The following ABCC1 variants were observed in gnomAD, a reference collection of about 807,000 sequenced individuals.
The protein encoded by ABCC1 is multidrug resistance-associated protein 1.
In ABCC1, 83 loss-of-function variants were observed where a neutral mutation model predicts 172.9. The observed-to-expected ratio is 0.48, with a 90% CI of 0.40 to 0.58. The LOEUF is 0.58. Among genes scored for constraint, ABCC1 ranks in the 20% least tolerant of loss-of-function variants. The pLI, the probability that ABCC1 is intolerant of heterozygous loss-of-function variation, is 0.00. For synonymous variants in ABCC1, 937 were observed against 825.2 expected (o/e 1.14, Z -2.32); for missense variants, 1,817 against 2,002.7 (o/e 0.91, Z 1.77).
At chr16:16,000,799 C>T (rs534798261) in intron 1 of ABCC1, among the ~76,000 whole-genome samples, 109 of 152,174 alleles carry the variant, frequency 7.2e-4, no homozygotes, top group Non-Finnish European at 1.1e-3. Context: ...AGGAAATTGA[C>T]GGTGGACAAG....
At chr16:16,124,066 G>C (rs2045291100) in intron 24 of ABCC1, among the ~76,000 whole-genome samples, 1 of 152,066 alleles carries the variant, frequency 6.6e-6, no homozygotes, top group Non-Finnish European at 1.5e-5. Context: ...ATTTTAAAGG[G>C]TAAAATAGTA....
chr16:16,105,993 CAACCTCCCAAGTAGTT>C (rs1157127392), intron 20 of ABCC1, among the ~76,000 whole-genome samples: 1 of 151,702 alleles, frequency 6.6e-6, no homozygotes, highest in East Asian at 1.9e-4. Context: ...TCTCCTGCCT[CAACCTCCCAAGTAGTT>C]GGGACTGCAG....
At chr16:16,010,037 C>CTTTTTTTATTT (rs2047717698) in intron 3 of ABCC1, 136 bp downstream of exon 3, 1 of 100,498 alleles carries the variant, frequency 1.0e-5, no homozygotes, top group Non-Finnish European at 1.6e-5. Flanking sequence ...TAAATGTAGC[C>CTTTTTTTATTT]TTTTTTTTTT....
intron 18 of ABCC1, among the ~76,000 whole-genome samples, chr16:16,087,260 C>T (rs2051046573): frequency 6.6e-6 from 1 of 152,196 alleles, no homozygotes; most frequent in Non-Finnish European, 1.5e-5. Flanking sequence ...AGTCACAGGG[C>T]TGGCTTCTTA....
intron 22 of ABCC1, 118 bp downstream of exon 22, chr16:16,111,700 C>G (rs966733627): frequency 3.4e-6 from 3 of 878,308 alleles, no homozygotes; most frequent in Admixed American, 5.3e-5. Flanking sequence ...CAAGCCAAAC[C>G]CAGAAAAATG....
intron 27 of ABCC1, among the ~76,000 whole-genome samples, chr16:16,134,124 G>A (rs181459243): frequency 3.2e-4 from 48 of 152,242 alleles, no homozygotes; most frequent in South Asian, 2.9e-3. Context: ...ATAAAAAGCC[G>A]AGTCATTCCT....
rs1047491236 is a variant in ABCC1, at chr16:16,142,810, A to T, written c.*1529A>T. 1 of 152,576 alleles carries T rather than the reference A, an allele frequency of 6.6e-6. No individual in the cohort carries two copies. The highest frequency in any genetic ancestry group is 2.4e-5 in the African/African-American group (1 of 41,442). The allele number at this position is 152,576 out of a possible 1,614,324, so 9.5% of individuals were successfully genotyped here. ...CCTGTTCTTTAAGGTGTCTCGTTAG[A>T]GCCCAAAGTGGAATCCGGAAGGCAG... On this transcript the variant is annotated 3_prime_UTR_variant, in exon 31 of 31. Transcript: ENST00000399410.
chr16:16,135,055 G>A (rs557360652), intron 28 of ABCC1, among the ~76,000 whole-genome samples: 176 of 152,322 alleles, frequency 1.2e-3, no homozygotes, highest in African/African-American at 4.1e-3. Context: ...CTGTCCCCGG[G>A]AGGGGTAGTT....
In ABCC1 at chr16:16,114,823, G is replaced by A. The variant is rs761512468; in HGVS notation, c.3137G>A (p.Arg1046His). 1.9e-6 allele frequency: 3 copies of A among 1,609,810 alleles called. No homozygotes were observed. Among genetic ancestry groups the A allele is most frequent in the Non-Finnish European group, 1.7e-6 (2 of 1,176,424 alleles). ...TCCATCGGGGGGATCTTGGCTTCCC[G>A]CTGTCTGCACGTGGACCTGCTGCAC... ...AVSIGGILAS[R>H]CLHVDLLHSI... is the part of the protein sequence containing the mutation. The change falls in exon 23 of 31, where the codon CGC (arginine) becomes CAC (histidine). Residue 1046 changes from arginine to histidine, a missense_variant. Physicochemically the swap from Arg to His is conservative, Grantham distance 29 (BLOSUM62 0). Coordinates refer to ENST00000399410, the MANE Select transcript of ABCC1 (RefSeq NM_004996.4).
rs1049322560 is a variant in ABCC1 at position 16,068,087 on chromosome 16, T to G, written c.1678-69T>G. Reference sequence around the variant, plus strand: ...AGGGCCCAAGCGCGTCTCCAGGGCCTGTCACTGCTCCTAGGATGATGACTC... The same window carrying G: ...AGGGCCCAAGCGCGTCTCCAGGGCCGGTCACTGCTCCTAGGATGATGACTC... On this transcript the variant is annotated intron_variant, in intron 12 of 30. Coordinates refer to ENST00000399410, the MANE Select transcript of ABCC1 (RefSeq NM_004996.4). 6.3e-6 allele frequency: 10 copies of G among 1,592,534 alleles called. No individual in the cohort carries two copies. The African/African-American group carries it at 1.3e-4, about 21-fold the overall frequency.
chr16:16,033,948 A>G (rs1384285659), intron 6 of ABCC1, among the ~76,000 whole-genome samples: 2 of 139,688 alleles, frequency 1.4e-5, no homozygotes, highest in East Asian at 2.1e-4. Flanking sequence ...CTTTTTGTAT[A>G]TCTTTTTCTG....
intron 3 of ABCC1, among the ~76,000 whole-genome samples, chr16:16,010,162 G>A (rs1172413884): frequency 6.9e-6 from 1 of 144,034 alleles, no homozygotes; most frequent in Non-Finnish European, 1.5e-5. Context: ...TCCTACCTCA[G>A]ACTTCTGAGT....
rs557517130 is a variant in ABCC1, at chr16:16,025,005, C to G, written c.616-8104C>G. Among the ~76,000 whole-genome samples the G allele has an allele frequency of 4.0e-4, 61 of 151,538 alleles. 2 individuals carry two copies. The South Asian group carries it at 0.012, about 31-fold the overall frequency. ...CATAGTGAGACCCCATCTCTTGAAA[C>G]AAAAAAACAAAGAAAACAGACAAGT... On this transcript the variant is annotated intron_variant, in intron 5 of 30. Coordinates refer to ENST00000399410, the MANE Select transcript of ABCC1 (RefSeq NM_004996.4).
At chr16:16,085,652 C>T (rs957465550) in intron 17 of ABCC1, among the ~76,000 whole-genome samples, 1 of 152,208 alleles carries the variant, frequency 6.6e-6, no homozygotes, top group Non-Finnish European at 1.5e-5. Context: ...TGGTGCCGTG[C>T]ACCTGTGGTC....
At chr16:16,111,979 A>T (rs1567418213) in intron 22 of ABCC1, among the ~76,000 whole-genome samples, 1 of 152,162 alleles carries the variant, frequency 6.6e-6, no homozygotes, top group Non-Finnish European at 1.5e-5. Flanking sequence ...TATACTAGTA[A>T]TTCCCAATTA....
At chr16:16,106,344 T>G (rs2152071930) in intron 20 of ABCC1, among the ~76,000 whole-genome samples, 1 of 151,336 alleles carries the variant, frequency 6.6e-6, no homozygotes, top group African/African-American at 2.4e-5. Flanking sequence ...TGAAAAATGA[T>G]CTACGATGTG....
At chr16:16,135,363 C>T (rs1028516507) in intron 28 of ABCC1, among the ~76,000 whole-genome samples, 16 of 152,182 alleles carry the variant, frequency 1.1e-4, no homozygotes, top group African/African-American at 3.6e-4. Context: ...TCATTTCCAT[C>T]TTTACAACCA....
intron 1 of ABCC1, among the ~76,000 whole-genome samples, chr16:15,974,244 C>G (rs549389540): frequency 6.2e-4 from 95 of 152,122 alleles, no homozygotes; most frequent in Non-Finnish European, 1.2e-3. Context: ...TTATTTTCTC[C>G]TGTCTGCCTC....
rs946286659 is a variant in ABCC1 at position 16,079,593 on chromosome 16, T to A, written c.2115+115T>A. 418 of 1,277,942 alleles carry A rather than the reference T, an allele frequency of 3.3e-4. 1 individual carries two copies. In the Middle Eastern group the frequency reaches 5.0e-3, roughly 15 times the overall value. The allele number at this position is 1,277,942 out of a possible 1,614,324, so 79.2% of individuals were successfully genotyped here. A position where few individuals can be genotyped will look rare whatever the true frequency, so the allele number is the denominator to read the frequency against. On this transcript the variant is annotated intron_variant, in intron 16 of 30. Transcript: ENST00000399410. ...TGTGCCAGAAGCGAAAGCAGCAACG[T>A]CTCTTTTCCTCCTCCTCCTGTATCT...
Sources: gnomAD v4.1 joint callset for allele counts (sites outside exome capture counted in the v4.1 genomes callset) on GRCh38, gnomAD v4.1.1 for gene constraint, MANE v1.5 for transcripts, NCBI Gene and HGNC (gene_info 2026-07-23, HGNC 2026-07-21) for gene names.